RPP38: variants seen among roughly 807,000 people sequenced by gnomAD.
The protein encoded by RPP38 is ribonuclease P protein subunit p38.
In RPP38, 2 loss-of-function variants were observed where a neutral mutation model predicts 1.7. The ratio of observed to expected loss-of-function variants is 1.18; its 90% CI spans 0.48 to 3.70. The LOEUF (loss-of-function observed/expected upper bound fraction) is 3.70. Ranked by LOEUF, RPP38 falls within the 30% of genes most tolerant of loss-of-function variation. The pLI, the probability that RPP38 is intolerant of heterozygous loss-of-function variation, is 0.07. For missense variants in RPP38, 358 were observed against 340.1 expected (o/e 1.05, Z -0.41); for synonymous variants, 151 against 131.8 (o/e 1.15, Z -1.00).
rs1845180150 is a variant in RPP38 at position 15,103,391 on chromosome 10, A to G, written c.77A>G (p.Asn26Ser). 1.9e-6 allele frequency: 3 copies of G among 1,613,932 alleles called. No individual in the cohort carries two copies. Among genetic ancestry groups the G allele is most frequent in the Non-Finnish European group, 2.5e-6 (3 of 1,179,966 alleles). Reference protein sequence around the residue: ...TRPLVVKTSLNNPYIIRWSAL... With the variant: ...TRPLVVKTSLSNPYIIRWSAL... ...CCTCTGGTTGTGAAGACGTCGTTGA[A>G]CAACCCATACATCATCCGCTGGAGC... The change falls in exon 3 of 3, where the codon AAC (asparagine) becomes AGC (serine). Residue 26 changes from asparagine to serine, a missense_variant. Transcript: ENST00000378197.
chr10:15,098,880 G>A (rs1251585249), intron 1 of RPP38, among the ~76,000 whole-genome samples: 3 of 107,028 alleles, frequency 2.8e-5, no homozygotes, highest in Admixed American at 9.5e-5. Flanking sequence ...ATGAGACTCC[G>A]TCTCAAAAAA....
In RPP38 at chr10:15,103,313, A is replaced by G. The variant is rs578102612; in HGVS notation, c.-2A>G. The G allele has an allele frequency of 4.5e-6, 7 of 1,560,776 alleles. No individual in the cohort carries two copies. The highest frequency in any genetic ancestry group is 1.7e-4 in the Middle Eastern group (1 of 5,802). ...ATTTTGCTTCTTGGAAGGATTTTCA[A>G]AATGGCTGCAGCTCCTCAAGCACCG... On this transcript the variant is annotated 5_prime_UTR_variant, in exon 3 of 3. Coordinates refer to ENST00000378197, the MANE Select transcript of RPP38 (RefSeq NM_183005.5).
At chr10:15,101,790 TG>T (rs1845115512) in intron 1 of RPP38, among the ~76,000 whole-genome samples, 2 of 152,114 alleles carry the variant, frequency 1.3e-5, no homozygotes, top group Non-Finnish European at 2.9e-5. Flanking sequence ...CTCCGGAGGC[TG>T]TGGCAGGAGA....
At chr10:15,101,115 A>C (rs1040636184) in intron 1 of RPP38, among the ~76,000 whole-genome samples, 1 of 152,242 alleles carries the variant, frequency 6.6e-6, no homozygotes, top group Non-Finnish European at 1.5e-5. Flanking sequence ...GCAAGGATTG[A>C]AAGAACAGAA....
chr10:15,103,262 C>T (rs898629576), intron 2 of RPP38, 43 bp from the exon 3 acceptor site: 14 of 1,513,754 alleles, frequency 9.2e-6, no homozygotes, highest in African/African-American at 1.4e-5. Flanking sequence ...ATGCAGTTGT[C>T]GCTAACATGA....
intron 2 of RPP38, 102 bp from the exon 3 acceptor site, chr10:15,103,203 T>C: frequency 4.5e-6 from 5 of 1,112,204 alleles, no homozygotes; most frequent in Non-Finnish European, 6.3e-6. Context: ...AAAAAATAAA[T>C]ACATAAATAA....
intron 1 of RPP38, among the ~76,000 whole-genome samples, chr10:15,098,224 G>GTGTTT: frequency 2.0e-5 from 2 of 97,614 alleles, no homozygotes; most frequent in East Asian, 2.3e-4. Context: ...TTATTTGAAC[G>GTGTTT]TGTTTTTTTT....
rs201405215 is a variant in RPP38, at chr10:15,103,816, A to G, written c.502A>G (p.Ile168Val). The G allele has an allele frequency of 1.2e-6, 2 of 1,614,082 alleles. No individual in the cohort carries two copies. Among genetic ancestry groups the G allele is most frequent in the East Asian group, 2.2e-5 (1 of 44,874 alleles). ...TCAGGTCCCCCGGCTCAGTGAGAGAATCGCCCCCGTCATTGGCTTAAAATG... is the reference window on the plus strand; with the variant it reads ...TCAGGTCCCCCGGCTCAGTGAGAGAGTCGCCCCCGTCATTGGCTTAAAATG... Reference protein sequence around the residue: ...ACQVPRLSERIAPVIGLKCVL... With the variant: ...ACQVPRLSERVAPVIGLKCVL... Residue 168 changes from isoleucine to valine, a missense_variant, in exon 3 of 3, where the codon ATC (isoleucine) becomes GTC (valine). By Grantham distance (29) the Ile-to-Val change is conservative (BLOSUM62 3). Transcript: ENST00000378197.
At chr10:15,098,835 G>A (rs1407693851) in intron 1 of RPP38, among the ~76,000 whole-genome samples, 1 of 147,648 alleles carries the variant, frequency 6.8e-6, no homozygotes, top group Non-Finnish European at 1.5e-5. Flanking sequence ...GCAGTGAGCC[G>A]AGATTGTGCC....
At chr10:15,098,315 G>A (rs1401761263) in intron 1 of RPP38, among the ~76,000 whole-genome samples, 1 of 134,960 alleles carries the variant, frequency 7.4e-6, no homozygotes, top group Non-Finnish European at 1.5e-5. Context: ...ACCTCCGCCT[G>A]CCGGGTTCAA....
Position 15,103,550 on chromosome 10 carries a change from A to C in RPP38, c.236A>C (p.Lys79Thr). 1.9e-6 allele frequency: 3 copies of C among 1,614,176 alleles called. No homozygotes were observed. The highest frequency in any genetic ancestry group is 2.5e-6 in the Non-Finnish European group (3 of 1,180,032). ...TPFLKKESREKCSIAVDISEN... is the reference protein window; with the variant it reads ...TPFLKKESRETCSIAVDISEN... ...TTTCTGAAAAAAGAAAGCAGAGAGAAATGCAGCATTGCTGTTGATATTAGT... is the reference window on the plus strand; with the variant it reads ...TTTCTGAAAAAAGAAAGCAGAGAGACATGCAGCATTGCTGTTGATATTAGT... The change falls in exon 3 of 3, where the codon AAA (lysine) becomes ACA (threonine). Residue 79 changes from lysine (K) to threonine (T), a missense_variant. Physicochemically the swap from Lys to Thr is moderately conservative, Grantham distance 78. Coordinates refer to ENST00000378197, the MANE Select transcript of RPP38 (RefSeq NM_183005.5).
chr10:15,103,134 G>T lies in RPP38; in HGVS notation c.-10-171G>T, dbSNP rs555645428. ...TTGAACCCAGGAGGTGGAGGTTGCA[G>T]TGAGCTGAGATTGTGCCACTGCACT... On this transcript the variant is annotated intron_variant, in intron 2 of 2. Transcript: ENST00000378197. The T allele has an allele frequency of 1.6e-5, 8 of 491,698 alleles. No individual in the cohort carries two copies. The Admixed American group carries it at 2.4e-4, about 15-fold the overall frequency. 30.5% of individuals were successfully genotyped at this position (491,698 alleles called of 1,614,324 possible).
chr10:15,097,423 G>C lies in RPP38; in HGVS notation c.-473G>C, dbSNP rs1844966092. 6.6e-6 allele frequency: 1 copy of C among 152,330 alleles called. No individual in the cohort carries two copies. The highest frequency in any genetic ancestry group is 2.1e-4 in the South Asian group (1 of 4,838). 9.4% of individuals were successfully genotyped at this position (152,330 alleles called of 1,614,324 possible). On this transcript the variant is annotated 5_prime_UTR_variant, in exon 1 of 3. Coordinates refer to ENST00000378197, the MANE Select transcript of RPP38 (RefSeq NM_183005.5). ...CGTGAGTTCCAGGTGGGCGCGCGGG[G>C]CCCACGTAGGGCAGGAGGCCAGCCC... is the stretch of plus-strand genomic sequence containing the variant.
chr10:15,103,714 G>C lies in RPP38; in HGVS notation c.400G>C (p.Val134Leu), dbSNP rs941342197. ...AAGGAGGGAACTGCTGTTAGTTCTG[G>C]TGTGTAAATCAGTCAAGCCTGCCAT... ...LERRELLLVL[V>L]CKSVKPAMIT... Residue 134 changes from valine to leucine, a missense_variant, in exon 3 of 3, where the codon GTG (valine) becomes CTG (leucine). Physicochemically the swap from Val to Leu is conservative, Grantham distance 32. Transcript: ENST00000378197. 6.2e-7 allele frequency: 1 copy of C among 1,613,780 alleles called. No homozygotes were observed. Among genetic ancestry groups the C allele is most frequent in the African/African-American group, 1.3e-5 (1 of 74,890 alleles).
intron 2 of RPP38, chr10:15,103,067 C>A: frequency 3.9e-6 from 1 of 257,588 alleles, no homozygotes; most frequent in Non-Finnish European, 7.4e-6. Context: ...TGGCGGGCGC[C>A]TGTAATCCCA....
chr10:15,102,685 A>T (rs191750573), intron 2 of RPP38: 2 of 152,028 alleles, frequency 1.3e-5, no homozygotes, highest in Non-Finnish European at 2.9e-5. Flanking sequence ...TATTGCTTGT[A>T]TAGGAATAAA....
intron 1 of RPP38, among the ~76,000 whole-genome samples, chr10:15,101,885 C>G (rs79633149): frequency 0.087 from 13,079 of 150,244 alleles, 654 homozygotes; most frequent in African/African-American, 0.13. Flanking sequence ...AGCAAAACTC[C>G]GTCTCAAAAA....
At position 15,097,660 on chromosome 10, in the gene RPP38, A is replaced by G. The variant is rs1032317659; in HGVS notation, c.-236A>G. The G allele has an allele frequency of 1.3e-5, 2 of 152,360 alleles. No individual in the cohort carries two copies. Among genetic ancestry groups the G allele is most frequent in the Non-Finnish European group, 2.9e-5 (2 of 68,138 alleles). The allele number at this position is 152,360 out of a possible 1,614,324, so 9.4% of individuals were successfully genotyped here. A position where few individuals can be genotyped will look rare whatever the true frequency, so the allele number is the denominator to read the frequency against. ...TGGATTGCAGCGCCGGCTGGGCACCAGGAGTACAAAGCGAAAACCCCCGCC... is the reference window on the plus strand; with the variant it reads ...TGGATTGCAGCGCCGGCTGGGCACCGGGAGTACAAAGCGAAAACCCCCGCC... On this transcript the variant is annotated 5_prime_UTR_variant, in exon 1 of 3. Coordinates refer to ENST00000378197, the MANE Select transcript of RPP38 (RefSeq NM_183005.5).
intron 1 of RPP38, among the ~76,000 whole-genome samples, chr10:15,100,295 CT>C (rs367953238): frequency 2.0e-3 from 202 of 102,846 alleles, no homozygotes; most frequent in African/African-American, 9.5e-3. Flanking sequence ...GTTTCACCCC[CT>C]GTCACTTATT....
Sources: allele counts gnomAD v4.1 joint callset (sites outside exome capture counted in the v4.1 genomes callset), GRCh38; gene constraint gnomAD v4.1.1; transcripts MANE v1.5; gene names NCBI Gene and HGNC (gene_info 2026-07-23, HGNC 2026-07-21).